Variants in COCH observed in about 807,000 individuals in gnomAD.
COCH encodes the protein coagulation factor C homolog, cochlin (Limulus polyphemus).
Under a neutral mutation model 54.8 loss-of-function variants are expected in COCH, and 40 were observed. The observed-to-expected ratio is 0.73, with a 90% CI of 0.57 to 0.95. The LOEUF is 0.95. Ranked by LOEUF, COCH falls within the 40% of genes least tolerant of loss-of-function variation. The pLI is 0.00. For missense variants in COCH, 605 were observed against 675.0 expected, an observed-to-expected ratio of 0.90 and a Z score of 1.15; for synonymous variants, 256 against 237.9, an observed-to-expected ratio of 1.08 and a Z score of -0.70.
chr14:30,879,956 C>T (rs900036579), intron 6 of COCH, among the ~76,000 whole-genome samples: 6 of 152,206 alleles, frequency 3.9e-5, no homozygotes, highest in Non-Finnish European at 7.3e-5. Context: ...AGCCACTGCA[C>T]CCAGCCTAAT....
intron 6 of COCH, 58 bp downstream of exon 6, chr14:30,879,543 T>TA: frequency 6.4e-7 from 1 of 1,552,168 alleles, no homozygotes; most frequent in Middle Eastern, 1.7e-4. Flanking sequence ...AAGTTATGAA[T>TA]AAACGTGTTG....
chr14:30,885,999 A>G lies in COCH; in HGVS notation c.1164A>G (p.Glu388=). ...VGDSNFRLML[E]FVSNIAKTFE... Reference sequence around the variant, plus strand: ...ATAGCAATTTCCGCCTCATGCTTGAATTTGTTTCCAACATAGCCAAGACTT... The same window carrying G: ...ATAGCAATTTCCGCCTCATGCTTGAGTTTGTTTCCAACATAGCCAAGACTT... Residue 388 remains glutamate (E), a synonymous_variant, in exon 11 of 12, where the codon GAA becomes GAG. Coordinates refer to ENST00000396618, the MANE Select transcript of COCH (RefSeq NM_004086.3). The G allele has an allele frequency of 6.2e-7, 1 of 1,614,206 alleles. No individual in the cohort carries two copies. Among genetic ancestry groups the G allele is most frequent in the South Asian group, 1.1e-5 (1 of 91,080 alleles).
rs1208371435 is a variant in COCH at position 30,877,461 on chromosome 14, A to G, written c.83-111A>G. The G allele has an allele frequency of 7.5e-7, 1 of 1,340,202 alleles. No homozygotes were observed. The highest frequency in any genetic ancestry group is 1.4e-5 in the African/African-American group (1 of 69,524). 83.0% of individuals were successfully genotyped at this position (1,340,202 alleles called of 1,614,324 possible). On this transcript the variant is annotated intron_variant, in intron 3 of 11. Transcript: ENST00000396618. The surrounding 1 kb of genome is among the most constrained non-coding windows in gnomAD (Gnocchi z 8.6). ...GGTATATAAGTCAATAGTCATAACTAGAAGTGTAGAAATTAGGGAAGTAAA... is the reference window on the plus strand; with the variant it reads ...GGTATATAAGTCAATAGTCATAACTGGAAGTGTAGAAATTAGGGAAGTAAA...
chr14:30,874,896 G>A lies in COCH; in HGVS notation c.-23-20G>A, dbSNP rs374605538. 9.9e-6 allele frequency: 16 copies of A among 1,610,672 alleles called. No individual in the cohort carries two copies. In the African/African-American group the frequency reaches 1.7e-4, roughly 17 times the overall value. ...GGCCTCCCGCACCCTGGCCTTGCCC[G>A]CATTCTCCCTCTCTCCCAGGTGTGA... is the stretch of plus-strand genomic sequence containing the variant. On this transcript the variant is annotated intron_variant, in intron 1 of 11. Coordinates refer to ENST00000396618, the MANE Select transcript of COCH (RefSeq NM_004086.3).
rs754271185 is a variant in COCH at position 30,886,195 on chromosome 14, G to T, written c.1360G>T (p.Val454Phe). 6.2e-7 allele frequency: 1 copy of T among 1,611,272 alleles called. No homozygotes were observed. Among genetic ancestry groups the T allele is most frequent in the Non-Finnish European group, 8.5e-7 (1 of 1,178,080 alleles). Residue 454 changes from valine (V) to phenylalanine (F), a missense_variant, in exon 11 of 12, where the codon GTT becomes TTT. Transcript: ENST00000396618. ...TATGDAISFTVRNVFGPIRES... is the reference protein window; with the variant it reads ...TATGDAISFTFRNVFGPIRES... ...TACTGGTGATGCCATTTCCTTCACTGTTAGAAATGTGTTTGGCCCTATAAG... is the reference window on the plus strand; with the variant it reads ...TACTGGTGATGCCATTTCCTTCACTTTTAGAAATGTGTTTGGCCCTATAAG...
Position 30,885,586 on chromosome 14 carries a change from TG to T in COCH, c.930del (p.Met311TrpfsTer33), listed in dbSNP as rs1444304791. 2 of 1,607,240 alleles carry T rather than the reference TG, an allele frequency of 1.2e-6. No individual in the cohort carries two copies. Among genetic ancestry groups the T allele is most frequent in the Admixed American group, 3.3e-5 (2 of 60,004 alleles). On this transcript the variant is annotated frameshift_variant, in exon 10 of 12. Coordinates refer to ENST00000396618, the MANE Select transcript of COCH (RefSeq NM_004086.3). LOFTEE classifies it high-confidence loss of function. ...GTGGCCAAGCCTATCCCTGAAGAAC[TG>T]GGGATGGTTCAGGATGTCACATTTG... ...VSVAKPIPEELGMVQDVTFVD... is the reference protein window; with the variant it reads ...VSVAKPIPEEXGMVQDVTFVD...
downstream of COCH, among the ~76,000 whole-genome samples, chr14:30,892,990 T>C (rs1896022796): frequency 6.6e-6 from 1 of 152,156 alleles, no homozygotes; most frequent in Non-Finnish European, 1.5e-5. Context: ...TGTTCCCTTC[T>C]AATTTCATCT....
intron 5 of COCH, 47 bp downstream of exon 5, chr14:30,878,991 A>G (rs1566408091): frequency 1.9e-6 from 3 of 1,609,990 alleles, no homozygotes. Context: ...CCCACCCCCC[A>G]AACGTTTTCT....
chr14:30,889,299 T>G (rs1895901091), intron 11 of COCH: 2 of 318,624 alleles, frequency 6.3e-6, no homozygotes, highest in South Asian at 6.1e-5. Context: ...GTTAAAAGTC[T>G]TCTTCTATTC....
rs1402285710 is a variant in COCH at position 30,890,396 on chromosome 14, A to G, written c.*605A>G. 1.0e-6 allele frequency: 1 copy of G among 984,614 alleles called. No individual in the cohort carries two copies. Among genetic ancestry groups the G allele is most frequent in the Non-Finnish European group, 1.2e-6 (1 of 829,270 alleles). 61.0% of individuals were successfully genotyped at this position (984,614 alleles called of 1,614,324 possible). ...GACTAAAAATATCACACTGAATAAG[A>G]GAGCAGGATTGCCAGGTATTTTTCT... On this transcript the variant is annotated 3_prime_UTR_variant, in exon 12 of 12. Transcript: ENST00000396618.
intron 8 of COCH, among the ~76,000 whole-genome samples, chr14:30,882,276 T>C (rs1386821406): frequency 6.6e-6 from 1 of 151,534 alleles, no homozygotes; most frequent in Admixed American, 6.6e-5. Flanking sequence ...ATCACAGGTG[T>C]GCACTACTAC....
At chr14:30,883,461 A>C (rs1895681776) in intron 8 of COCH, among the ~76,000 whole-genome samples, 1 of 152,262 alleles carries the variant, frequency 6.6e-6, no homozygotes, top group African/African-American at 2.4e-5. Context: ...AAAGAACAGA[A>C]TATATCAAGG....
chr14:30,883,543 T>C (rs1167815504), intron 8 of COCH, among the ~76,000 whole-genome samples: 1 of 152,232 alleles, frequency 6.6e-6, no homozygotes, highest in East Asian at 1.9e-4. Flanking sequence ...GAAAAGGTTT[T>C]CAACCCATGA....
Position 30,874,935 on chromosome 14 carries a change from C to T in COCH, c.-4C>T. 1.2e-6 allele frequency: 2 copies of T among 1,613,590 alleles called. No individual in the cohort carries two copies. The highest frequency in any genetic ancestry group is 2.2e-5 in the East Asian group (1 of 44,856). On this transcript the variant is annotated 5_prime_UTR_variant, in exon 2 of 12. Coordinates refer to ENST00000396618, the MANE Select transcript of COCH (RefSeq NM_004086.3). The stretch of plus-strand genomic sequence containing the variant: ...TCCCAGGTGTGAGCAGCCTATCAGT[C>T]ACCATGTCCGCAGCCTGGATCCCGG...
At chr14:30,894,910 A>G, downstream of COCH, 1 of 1,071,940 alleles carries the variant, frequency 9.3e-7, no homozygotes, top group Non-Finnish European at 1.2e-6. Flanking sequence ...TTTTTTTTTA[A>G]AGCAAAATAA....
At chr14:30,875,520 G>A (rs527332276) in intron 3 of COCH, 12 of 499,910 alleles carry the variant, frequency 2.4e-5, no homozygotes, top group Non-Finnish European at 3.8e-5. Context: ...ACTTCAGGTT[G>A]CCGTAGCCGA....
At chr14:30,894,232 T>C (rs1896067900), downstream of COCH, 1 of 152,326 alleles carries the variant, frequency 6.6e-6, no homozygotes, top group Non-Finnish European at 1.5e-5. Context: ...AATAAAACTT[T>C]ACTCCAAATA....
intron 11 of COCH, among the ~76,000 whole-genome samples, chr14:30,888,517 T>A (rs1326728173): frequency 1.2e-5 from 1 of 86,500 alleles, no homozygotes; most frequent in Non-Finnish European, 3.3e-5. Context: ...TGTGGTGGCT[T>A]ATGCCTGTAA....
At position 30,877,663 on chromosome 14, in the gene COCH, A is replaced by C; in HGVS notation, c.174A>C (p.Glu58Asp). 1 of 1,614,208 alleles carries C rather than the reference A, an allele frequency of 6.2e-7. No individual in the cohort carries two copies. The highest frequency in any genetic ancestry group is 8.5e-7 in the Non-Finnish European group (1 of 1,180,032). ...VLCPGGCPLEEFSVYGNIVYA... is the reference protein window; with the variant it reads ...VLCPGGCPLEDFSVYGNIVYA... ...GCCCAGGGGGCTGCCCTCTTGAGGAATTCTCTGTGTATGGGAACATAGTAT... is the reference window on the plus strand; with the variant it reads ...GCCCAGGGGGCTGCCCTCTTGAGGACTTCTCTGTGTATGGGAACATAGTAT... The change falls in exon 4 of 12, where the codon GAA becomes GAC. Residue 58 changes from glutamate to aspartate, a missense_variant. Transcript: ENST00000396618. The surrounding 1 kb of genome is among the most constrained non-coding windows in gnomAD (Gnocchi z 8.6).
Sources: allele counts gnomAD v4.1 joint callset (sites outside exome capture counted in the v4.1 genomes callset), GRCh38; gene constraint gnomAD v4.1.1; non-coding constraint Gnocchi (gnomAD v3.1); transcripts MANE v1.5; gene names NCBI Gene and HGNC (gene_info 2026-07-23, HGNC 2026-07-21).